FOXP1: variants seen among roughly 807,000 people sequenced by gnomAD.
The protein encoded by FOXP1 is forkhead box P1, also known as forkhead box protein P1.
In FOXP1, 15 loss-of-function variants were observed where a neutral mutation model predicts 98.2. The ratio of observed to expected loss-of-function variants is 0.15; its 90% confidence interval spans 0.10 to 0.24. The LOEUF is 0.24. Among genes scored for constraint, FOXP1 ranks in the 10% least tolerant of loss-of-function variants. The probability of loss-of-function intolerance (pLI) is 1.00; values close to 1 mark genes in which losing one functional copy is unlikely to be tolerated. For synonymous variants in FOXP1, 371 were observed against 314.5 expected (o/e 1.18, Z -1.90); for missense variants, 633 against 848.5 (o/e 0.75, Z 3.15).
chr3:71,477,987 C>T (rs2089986465), intron 3 of FOXP1, among the ~76,000 whole-genome samples: 4 of 152,156 alleles, frequency 2.6e-5, no homozygotes, highest in Admixed American at 2.6e-4. Flanking sequence ...ATAACAGAAA[C>T]AGGAATAACC....
intron 3 of FOXP1, among the ~76,000 whole-genome samples, chr3:71,474,585 T>A (rs970673599): frequency 6.6e-6 from 1 of 152,090 alleles, no homozygotes; most frequent in Non-Finnish European, 1.5e-5. Flanking sequence ...TCCTGTCACA[T>A]AAGCAGTGGC....
chr3:71,254,410 C>T (rs980131209), intron 5 of FOXP1, among the ~76,000 whole-genome samples: 2 of 152,142 alleles, frequency 1.3e-5, no homozygotes, highest in Admixed American at 6.6e-5. Context: ...TATTGTGGAC[C>T]GGCATTTGCT....
intron 5 of FOXP1, among the ~76,000 whole-genome samples, chr3:71,262,084 G>A (rs1447267329): frequency 1.3e-5 from 2 of 151,514 alleles, no homozygotes; most frequent in East Asian, 3.9e-4. Context: ...TGGCCAACAT[G>A]GTGAAACCCT....
intron 12 of FOXP1, among the ~76,000 whole-genome samples, chr3:71,013,236 A>C (rs9835186): frequency 6.6e-6 from 1 of 152,048 alleles, no homozygotes; most frequent in Non-Finnish European, 1.5e-5. Context: ...CCTGAACAAA[A>C]GTCAATACCA....
chr3:71,275,273 G>A (rs1193253348), intron 5 of FOXP1, among the ~76,000 whole-genome samples: 2 of 152,082 alleles, frequency 1.3e-5, no homozygotes, highest in African/African-American at 4.8e-5. Context: ...CCCTCATCCT[G>A]GGGATGGACC....
intron 3 of FOXP1, among the ~76,000 whole-genome samples, chr3:71,487,420 T>C (rs1163468010): frequency 6.6e-6 from 1 of 152,150 alleles, no homozygotes; most frequent in Non-Finnish European, 1.5e-5. Context: ...GATATTAGGG[T>C]AAGTACTGGG....
rs929193728 is a variant in FOXP1 at position 71,143,263 on chromosome 3, G to A, written c.181-30626C>T. On this transcript the variant is annotated intron_variant, in intron 6 of 20. Transcript: ENST00000649528. ...CTAATAATGATCAGGACACAAATAC[G>A]GAATTGTCCTTGGCTAGAAAAGAGA... is the stretch of plus-strand genomic sequence containing the variant. Among the ~76,000 whole-genome samples the A allele has an allele frequency of 3.9e-5, 6 of 152,250 alleles. No homozygotes were observed. In the East Asian group the frequency reaches 5.8e-4, roughly 15 times the overall value.
chr3:71,428,347 T>C (rs1400540937), intron 3 of FOXP1, among the ~76,000 whole-genome samples: 4 of 152,256 alleles, frequency 2.6e-5, no homozygotes, highest in African/African-American at 7.2e-5. Flanking sequence ...TTTTTGGTTT[T>C]AAAAACGCCC....
intron 3 of FOXP1, among the ~76,000 whole-genome samples, chr3:71,373,345 TA>T (rs2079482088): frequency 6.6e-6 from 1 of 151,584 alleles, no homozygotes; most frequent in Non-Finnish European, 1.5e-5. Flanking sequence ...CATGTTAAAG[TA>T]GAATTTTAAC....
chr3:71,397,077 TATATATGTGTATATATATATATAC>T lies in FOXP1; in HGVS notation c.-167-37857_-167-37834del, dbSNP rs2081552991. ...ATATATATGTGTATATATATATACA[TATATATGTGTATATATATATATAC>T]ATATATATATATGTGTATATATACA... On this transcript the variant is annotated intron_variant, in intron 3 of 20. Coordinates refer to ENST00000649528, the MANE Select transcript of FOXP1 (RefSeq NM_001349338.3). 5.2e-5 allele frequency among the ~76,000 whole-genome samples: 3 copies of T among 57,962 alleles called. 1 individual carries two copies. The highest frequency in any genetic ancestry group is 1.1e-3 in the South Asian group (2 of 1,788). 38.0% of individuals were successfully genotyped at this position (57,962 alleles called of 152,430 possible). A position where few individuals can be genotyped will look rare whatever the true frequency, so the allele number is the denominator to read the frequency against.
At chr3:71,529,849 T>C (rs1243751129) in intron 2 of FOXP1, among the ~76,000 whole-genome samples, 2 of 152,222 alleles carry the variant, frequency 1.3e-5, no homozygotes, top group Non-Finnish European at 1.5e-5. Flanking sequence ...ACCACAATAC[T>C]GTTTCCAATA....
intron 4 of FOXP1, among the ~76,000 whole-genome samples, chr3:71,352,183 C>T (rs559951262): frequency 2.6e-5 from 4 of 152,132 alleles, no homozygotes; most frequent in South Asian, 2.1e-4. Flanking sequence ...AACCAGGGTA[C>T]GGCTGGGTGT....
chr3:70,955,839 C>G lies in FOXP1; in HGVS notation c.*3408G>C, dbSNP rs1258326990. 2 of 232,826 alleles carry G rather than the reference C, an allele frequency of 8.6e-6. No homozygotes were observed. Among genetic ancestry groups the G allele is most frequent in the Non-Finnish European group, 1.7e-5 (2 of 117,896 alleles). The allele number at this position is 232,826 out of a possible 1,614,324, so 14.4% of individuals were successfully genotyped here. The stretch of plus-strand genomic sequence containing the variant: ...TAACACACACGCACGCGCGCACACA[C>G]ACACACACACACACACAAAACCTGT... On this transcript the variant is annotated 3_prime_UTR_variant, in exon 21 of 21. Transcript: ENST00000649528.
Position 71,371,305 on chromosome 3 carries a change from C to T in FOXP1, c.-167-12061G>A, listed in dbSNP as rs190606427. Among the ~76,000 whole-genome samples the T allele has an allele frequency of 7.2e-5, 11 of 152,266 alleles. No homozygotes were observed. The East Asian group carries it at 1.9e-3, about 27-fold the overall frequency. On this transcript the variant is annotated intron_variant, in intron 3 of 20. Transcript: ENST00000649528. ...CTCATTTCACCAGGGCCAGCTGAGT[C>T]TGTCTCAGGTGTGGCATCTTCCAGG...
At chr3:71,294,947 G>A (rs1476061412) in intron 5 of FOXP1, among the ~76,000 whole-genome samples, 3 of 152,198 alleles carry the variant, frequency 2.0e-5, no homozygotes, top group Non-Finnish European at 4.4e-5. Flanking sequence ...AGCACAGACG[G>A]AAAGATCTGC....
Position 71,082,237 on chromosome 3 carries a change from C to A in FOXP1, c.283-28464G>T, listed in dbSNP as rs187390052. 1.0e-3 allele frequency among the ~76,000 whole-genome samples: 157 copies of A among 150,608 alleles called. 1 individual carries two copies. Among genetic ancestry groups the A allele is most frequent in the African/African-American group, 3.5e-3 (144 of 40,900 alleles). ...GAGGTTGCAGTGAGCCGAGATTGCACCACCGCACTCCAGCCTGGGTGACAC... is the reference window on the plus strand; with the variant it reads ...GAGGTTGCAGTGAGCCGAGATTGCAACACCGCACTCCAGCCTGGGTGACAC... On this transcript the variant is annotated intron_variant, in intron 7 of 20. Coordinates refer to ENST00000649528, the MANE Select transcript of FOXP1 (RefSeq NM_001349338.3).
At chr3:71,435,253 AGGG>A (rs1560482517) in intron 3 of FOXP1, among the ~76,000 whole-genome samples, 178 of 2,854 alleles carry the variant, frequency 0.062, 77 homozygotes, top group Non-Finnish European at 0.17. Context: ...GAAGGAAGAG[AGGG>A]AGGGAGGGAG....
intron 7 of FOXP1, among the ~76,000 whole-genome samples, chr3:71,072,902 G>C (rs1286268085): frequency 2.0e-5 from 3 of 152,242 alleles, no homozygotes; most frequent in Admixed American, 6.5e-5. Flanking sequence ...TTGGAAGAAA[G>C]AGTAATCTCA....
chr3:71,076,877 G>A (rs931117295), intron 7 of FOXP1, among the ~76,000 whole-genome samples: 8 of 152,114 alleles, frequency 5.3e-5, no homozygotes, highest in Admixed American at 5.2e-4. Context: ...CTCCTATCCT[G>A]GCACACTCTC....
Sources: allele counts gnomAD v4.1 joint callset (sites outside exome capture counted in the v4.1 genomes callset), GRCh38; gene constraint gnomAD v4.1.1; transcripts MANE v1.5; gene names NCBI Gene and HGNC (gene_info 2026-07-23, HGNC 2026-07-21).